Variants in TBC1D4 observed in about 807,000 individuals in gnomAD.
TBC1D4 encodes the protein TBC (Tre-2, BUB2, CDC16) domain-containing protein.
TBC1D4 carries 121 observed loss-of-function variants against 142.5 expected under a neutral mutation model. That is an observed-to-expected ratio of 0.85 (90% CI 0.73 to 0.99). The LOEUF (loss-of-function observed/expected upper bound fraction) is 0.99, where lower values mean the gene tolerates loss of function less well. Ranked by LOEUF, TBC1D4 falls within the 50% of genes least tolerant of loss-of-function variation. The pLI is 0.00. For missense variants in TBC1D4, 1,475 were observed against 1,606.6 expected (o/e 0.92, Z 1.40); for synonymous variants, 630 against 628.2 (o/e 1.00, Z -0.04).
At chr13:75,392,615 C>T (rs1368041420) in intron 1 of TBC1D4, among the ~76,000 whole-genome samples, 2 of 150,698 alleles carry the variant, frequency 1.3e-5, no homozygotes, top group Non-Finnish European at 3.0e-5. Flanking sequence ...CTTCCCCCTC[C>T]TCCTCCTCGT....
chr13:75,326,570 T>G, intron 9 of TBC1D4, 147 bp from the exon 10 acceptor site: 2 of 821,954 alleles, frequency 2.4e-6, no homozygotes, highest in Admixed American at 4.0e-5. Context: ...ACTTAATTTA[T>G]GCCGTAGGCT....
chr13:75,320,867 CAAAAAAAA>C (rs148657060), intron 11 of TBC1D4, among the ~76,000 whole-genome samples: 35 of 84,360 alleles, frequency 4.1e-4, no homozygotes, highest in African/African-American at 6.3e-4. Flanking sequence ...ACTAAAAATA[CAAAAAAAA>C]AAAAAAAAAA....
intron 17 of TBC1D4, among the ~76,000 whole-genome samples, chr13:75,298,769 AC>A (rs1876217265): frequency 1.3e-5 from 2 of 151,302 alleles, no homozygotes; most frequent in South Asian, 4.2e-4. Context: ...ACACACATAC[AC>A]ACACACACAC....
intron 1 of TBC1D4, among the ~76,000 whole-genome samples, chr13:75,457,457 T>C (rs1364144698): frequency 6.6e-6 from 1 of 152,158 alleles, no homozygotes; most frequent in Non-Finnish European, 1.5e-5. Flanking sequence ...TCTCCAGATA[T>C]TGCTAAATGT....
At chr13:75,291,972 G>T in intron 19 of TBC1D4, 130 bp downstream of exon 19, 1 of 814,210 alleles carries the variant, frequency 1.2e-6, no homozygotes. Context: ...TTTCACAATA[G>T]TCCCCTTTCT....
chr13:75,359,702 T>G, intron 3 of TBC1D4, 67 bp downstream of exon 3: 1 of 1,279,886 alleles, frequency 7.8e-7, no homozygotes, highest in Non-Finnish European at 1.1e-6. Context: ...TCAAGCCCAC[T>G]TATTTTATTG....
At chr13:75,338,542 T>C (rs992195542) in intron 7 of TBC1D4, among the ~76,000 whole-genome samples, 1 of 152,202 alleles carries the variant, frequency 6.6e-6, no homozygotes, top group Admixed American at 6.5e-5. Flanking sequence ...CATGAAAATA[T>C]TGTTAAAATC....
At chr13:75,295,757 TAGTA>T (rs1223117559) in intron 17 of TBC1D4, among the ~76,000 whole-genome samples, 3 of 152,140 alleles carry the variant, frequency 2.0e-5, no homozygotes, top group Admixed American at 6.5e-5. Context: ...GATAAAGCAG[TAGTA>T]AGTAACAAAC....
chr13:75,477,685 ACT>A (rs542593410), intron 1 of TBC1D4, among the ~76,000 whole-genome samples: 88 of 152,230 alleles, frequency 5.8e-4, no homozygotes, highest in Non-Finnish European at 9.0e-4. Context: ...TGCCATACAG[ACT>A]CTTTTTGCAA....
chr13:75,361,684 A>G (rs374329247), intron 2 of TBC1D4, among the ~76,000 whole-genome samples: 106 of 151,726 alleles, frequency 7.0e-4, no homozygotes, highest in African/African-American at 2.3e-3. Context: ...CGGGCCTACA[A>G]TTTTTTTTTA....
intron 17 of TBC1D4, among the ~76,000 whole-genome samples, chr13:75,297,399 T>C (rs1211035945): frequency 2.6e-5 from 4 of 152,152 alleles, no homozygotes; most frequent in African/African-American, 9.7e-5. Flanking sequence ...TACCAAACCG[T>C]TGTTTCTGAA....
At chr13:75,415,366 T>C (rs1434774236) in intron 1 of TBC1D4, among the ~76,000 whole-genome samples, 1 of 152,010 alleles carries the variant, frequency 6.6e-6, no homozygotes, top group Non-Finnish European at 1.5e-5. Context: ...ATGAGAAAAA[T>C]ATTGGATTGA....
chr13:75,402,654 A>ACAC (rs1885150359), intron 1 of TBC1D4, among the ~76,000 whole-genome samples: 2 of 142,460 alleles, frequency 1.4e-5, no homozygotes, highest in South Asian at 2.4e-4. Context: ...ATCCCTAGTA[A>ACAC]ACACACACAC....
intron 1 of TBC1D4, among the ~76,000 whole-genome samples, chr13:75,445,365 C>T (rs190351256): frequency 1.8e-3 from 278 of 152,272 alleles, no homozygotes; most frequent in African/African-American, 6.3e-3. Flanking sequence ...TCCTTGTCTA[C>T]ATGACACACT....
At chr13:75,457,528 G>A (rs1887788046) in intron 1 of TBC1D4, among the ~76,000 whole-genome samples, 1 of 152,284 alleles carries the variant, frequency 6.6e-6, no homozygotes, top group East Asian at 1.9e-4. Context: ...TGGTAGAAAT[G>A]GGAGAATACA....
chr13:75,283,758 T>C lies in TBC1D4; in HGVS notation c.*3034A>G, dbSNP rs1288557059. 6.6e-6 allele frequency among the ~76,000 whole-genome samples: 1 copy of C among 152,190 alleles called. No homozygotes were observed. On this transcript the variant is annotated 3_prime_UTR_variant, in exon 21 of 21. Transcript: ENST00000377636. ...CTTTCAAAAGTCTCCATTGAGAAAG[T>C]AAGTTGAAAAATGGTAACAATGTAC... is the stretch of plus-strand genomic sequence containing the variant.
Position 75,292,106 on chromosome 13 carries a change from G to T in TBC1D4, c.3482C>A (p.Thr1161Asn), listed in dbSNP as rs1435217253. 6.2e-7 allele frequency: 1 copy of T among 1,609,376 alleles called. No individual in the cohort carries two copies. Among genetic ancestry groups the T allele is most frequent in the Non-Finnish European group, 8.5e-7 (1 of 1,177,218 alleles). ...CTATTAGCATTTAAATCATACCTGG[G>T]TAATAATTTTTTCCATTTCAGAGGT... ...MNTSEMEKII[T>N]QVFEMDISKQ... Residue 1161 changes from threonine (T) to asparagine (N), a missense_variant, in exon 19 of 21, where the codon ACC becomes AAC. By Grantham distance (65) the Thr-to-Asn change is moderately conservative (BLOSUM62 0). Around this residue, in one of 2 missense-constraint regions of TBC1D4, gnomAD observed 248 missense variants for 338.9 expected, o/e 0.73. Transcript: ENST00000377636.
intron 1 of TBC1D4, among the ~76,000 whole-genome samples, chr13:75,467,221 A>C (rs748697470): frequency 1.2e-4 from 19 of 152,206 alleles, no homozygotes; most frequent in Non-Finnish European, 2.5e-4. Flanking sequence ...AAAAGAAAAC[A>C]GCCTTTGTAA....
In TBC1D4 at chr13:75,295,271, A is replaced by T. The variant is rs9318330; in HGVS notation, c.3157-258T>A. ...TGTGTTTGAGCATCACATACATACA[A>T]AGAAATGGAATTTTTTCTTCTGTAG... On this transcript the variant is annotated intron_variant, in intron 17 of 20. Transcript: ENST00000377636. 0.59 allele frequency among the ~76,000 whole-genome samples: 89,184 copies of T among 151,994 alleles called. 26,840 individuals are homozygous for T. Among genetic ancestry groups the T allele is most frequent in the Non-Finnish European group, 0.62 (42,095 of 67,938 alleles).
Sources: allele counts gnomAD v4.1 joint callset (sites outside exome capture counted in the v4.1 genomes callset), GRCh38; gene constraint gnomAD v4.1.1; regional missense constraint gnomAD v4.1.1; transcripts MANE v1.5; gene names NCBI Gene and HGNC (gene_info 2026-07-23, HGNC 2026-07-21).